The following SLC17A5 variants were observed in gnomAD, a reference collection of about 807,000 sequenced individuals.
The protein encoded by SLC17A5 is solute carrier family 17 member 5.
A neutral mutation model predicts 59.4 loss-of-function variants in SLC17A5; 47 were observed. The ratio of observed to expected loss-of-function variants is 0.79; its 90% confidence interval spans 0.63 to 1.01. The LOEUF is 1.01. SLC17A5 is among the 50% of genes least tolerant of loss of function. The pLI, the probability that SLC17A5 is intolerant of heterozygous loss-of-function variation, is 0.00. For missense variants in SLC17A5, 522 were observed against 595.5 expected, an observed-to-expected ratio of 0.88 and a Z score of 1.28; for synonymous variants, 202 against 210.7, an observed-to-expected ratio of 0.96 and a Z score of 0.36.
chr6:73,601,427 G>T (rs868848162), intron 9 of SLC17A5, among the ~76,000 whole-genome samples: 7 of 47,390 alleles, frequency 1.5e-4, no homozygotes, highest in African/African-American at 3.5e-4. Context: ...GGTCAGCCCC[G>T]CGCCCGGCCA....
intron 5 of SLC17A5, among the ~76,000 whole-genome samples, chr6:73,636,339 G>T (rs1190973839): frequency 6.7e-6 from 1 of 149,518 alleles, no homozygotes; most frequent in East Asian, 1.9e-4. Flanking sequence ...CTTTGCTTGA[G>T]AAGAAATTCA....
In SLC17A5 at chr6:73,603,162, GTC is replaced by G. The variant is rs1767228579; in HGVS notation, c.1260-2723_1260-2722del. 2.0e-5 allele frequency among the ~76,000 whole-genome samples: 3 copies of G among 151,724 alleles called. No homozygotes were observed. The South Asian group carries it at 6.2e-4, about 32-fold the overall frequency. On this transcript the variant is annotated intron_variant, in intron 9 of 10. Coordinates refer to ENST00000355773, the MANE Select transcript of SLC17A5 (RefSeq NM_012434.5). ...ATTACATTTTTTTTTTTGAGACGGA[GTC>G]TCTGTCGCTCAGGCTGGAGTACAGT...
Position 73,623,977 on chromosome 6 carries a change from G to A in SLC17A5, c.820-2015C>T, listed in dbSNP as rs146689562. Among the ~76,000 whole-genome samples, 406 of 152,182 alleles carry A rather than the reference G, an allele frequency of 2.7e-3. 16 individuals are homozygous for A. In the East Asian group the frequency reaches 0.071, roughly 27 times the overall value. Reference sequence around the variant, plus strand: ...CTCCCAAAGTGCTGGGATTACAGGCGTGAGCCACCGTACCCGGCTGAGCTG... The same window carrying A: ...CTCCCAAAGTGCTGGGATTACAGGCATGAGCCACCGTACCCGGCTGAGCTG... On this transcript the variant is annotated intron_variant, in intron 6 of 10. Coordinates refer to ENST00000355773, the MANE Select transcript of SLC17A5 (RefSeq NM_012434.5).
At chr6:73,606,251 C>T in intron 9 of SLC17A5, among the ~76,000 whole-genome samples, 1 of 151,992 alleles carries the variant, frequency 6.6e-6, no homozygotes, top group East Asian at 2.0e-4. Context: ...CCATGTTGGT[C>T]AGGCTGGTCT....
At chr6:73,636,082 C>A (rs1167434598) in intron 5 of SLC17A5, among the ~76,000 whole-genome samples, 3 of 152,114 alleles carry the variant, frequency 2.0e-5, no homozygotes, top group African/African-American at 7.2e-5. Flanking sequence ...CTATCAGGGT[C>A]TACCAGACAA....
intron 9 of SLC17A5, among the ~76,000 whole-genome samples, chr6:73,608,023 C>T (rs1020083880): frequency 5.3e-5 from 8 of 151,992 alleles, no homozygotes; most frequent in Non-Finnish European, 1.0e-4. Context: ...GTGATCCACC[C>T]GCCTCAGCCT....
intron 7 of SLC17A5, among the ~76,000 whole-genome samples, chr6:73,616,166 G>A (rs1767851718): frequency 6.6e-6 from 1 of 152,106 alleles, no homozygotes; most frequent in Non-Finnish European, 1.5e-5. Flanking sequence ...TTACAGGCAT[G>A]AGCCACCGCA....
intron 10 of SLC17A5, 71 bp downstream of exon 10, chr6:73,600,280 A>T (rs1036534455): frequency 1.7e-6 from 2 of 1,158,142 alleles, no homozygotes; most frequent in African/African-American, 3.1e-5. Flanking sequence ...ACTTAATTAA[A>T]ATACACTGAA....
chr6:73,643,887 T>A (rs1461251678), intron 2 of SLC17A5, among the ~76,000 whole-genome samples: 1 of 152,210 alleles, frequency 6.6e-6, no homozygotes, highest in East Asian at 1.9e-4. Flanking sequence ...AAATGATGAA[T>A]ACACATTTAT....
At chr6:73,651,524 G>C (rs1581995880) in intron 1 of SLC17A5, among the ~76,000 whole-genome samples, 1 of 145,944 alleles carries the variant, frequency 6.9e-6, no homozygotes, top group Non-Finnish European at 1.5e-5. Flanking sequence ...TGAGTATTTT[G>C]TAAGTATTAT....
intron 6 of SLC17A5, among the ~76,000 whole-genome samples, chr6:73,624,703 G>A (rs536486058): frequency 2.0e-5 from 3 of 152,098 alleles, no homozygotes; most frequent in Admixed American, 1.3e-4. Flanking sequence ...GTGAAACCCC[G>A]TCTCTACTAA....
At chr6:73,649,420 C>T (rs1301856853) in intron 1 of SLC17A5, among the ~76,000 whole-genome samples, 2 of 152,332 alleles carry the variant, frequency 1.3e-5, no homozygotes, top group South Asian at 2.1e-4. Flanking sequence ...GCCTGGGCAA[C>T]ATGATGAAAC....
chr6:73,625,507 A>T (rs1768368977), intron 6 of SLC17A5, among the ~76,000 whole-genome samples: 1 of 152,106 alleles, frequency 6.6e-6, no homozygotes, highest in African/African-American at 2.4e-5. Context: ...ATTTTTTAAT[A>T]TGATCAAAGA....
intron 2 of SLC17A5, 62 bp downstream of exon 2, chr6:73,644,345 A>G (rs1769435950): frequency 1.5e-6 from 2 of 1,313,016 alleles, no homozygotes; most frequent in Admixed American, 1.8e-5. Flanking sequence ...AGACCTTTTA[A>G]TATTTTTACT....
At chr6:73,604,858 T>C (rs1767322730) in intron 9 of SLC17A5, among the ~76,000 whole-genome samples, 1 of 152,192 alleles carries the variant, frequency 6.6e-6, no homozygotes, top group Non-Finnish European at 1.5e-5. Context: ...ATATTATTTA[T>C]TGGAAAACCT....
chr6:73,646,113 T>C (rs780583180), intron 1 of SLC17A5, among the ~76,000 whole-genome samples: 12 of 152,184 alleles, frequency 7.9e-5, no homozygotes, highest in Non-Finnish European at 1.5e-4. Context: ...CATATTAAAA[T>C]TAAATGAAAA....
chr6:73,618,656 G>T (rs1382447321), intron 7 of SLC17A5: 1 of 341,446 alleles, frequency 2.9e-6, no homozygotes, highest in African/African-American at 2.2e-5. Flanking sequence ...TTAGATAAAA[G>T]ATTTAAAAAA....
intron 6 of SLC17A5, among the ~76,000 whole-genome samples, chr6:73,632,291 C>CAAA (rs71000140): frequency 1.3e-3 from 82 of 63,652 alleles, no homozygotes; most frequent in African/African-American, 3.6e-3. Flanking sequence ...GAGCTAGACT[C>CAAA]AAAAAAAAAA....
At chr6:73,600,680 T>C (rs548174184) in intron 9 of SLC17A5, among the ~76,000 whole-genome samples, 2 of 152,110 alleles carry the variant, frequency 1.3e-5, no homozygotes, top group East Asian at 1.9e-4. Context: ...TTTGTATTTT[T>C]AGTAGAGCCG....
Sources: allele counts gnomAD v4.1 joint callset (sites outside exome capture counted in the v4.1 genomes callset), GRCh38; gene constraint gnomAD v4.1.1; transcripts MANE v1.5; gene names NCBI Gene and HGNC (gene_info 2026-07-23, HGNC 2026-07-21).